The following PAK5 variants were observed in gnomAD, a reference collection of about 807,000 sequenced individuals.
PAK5 encodes the protein p21 (RAC1) activated kinase 5.
A neutral mutation model predicts 65.9 loss-of-function variants in PAK5; 16 were observed. The ratio of observed to expected loss-of-function variants is 0.24; its 90% CI spans 0.16 to 0.37. The LOEUF (loss-of-function observed/expected upper bound fraction) is 0.37. Among genes scored for constraint, PAK5 ranks in the 10% least tolerant of loss-of-function variants. The probability of loss-of-function intolerance (pLI) is 1.00; values close to 1 mark genes in which losing one functional copy is unlikely to be tolerated. For missense variants in PAK5, 785 were observed against 903.9 expected, an observed-to-expected ratio of 0.87 and a Z score of 1.69; for synonymous variants, 371 against 354.9, an observed-to-expected ratio of 1.05 and a Z score of -0.51.
intron 2 of PAK5, among the ~76,000 whole-genome samples, chr20:9,705,276 G>A (rs1478538063): frequency 6.6e-6 from 1 of 151,950 alleles, no homozygotes; most frequent in Non-Finnish European, 1.5e-5. Context: ...GATATGGAAG[G>A]CATTTCACAG....
At chr20:9,790,183 C>T (rs992569385) in intron 1 of PAK5, among the ~76,000 whole-genome samples, 1 of 152,114 alleles carries the variant, frequency 6.6e-6, no homozygotes, top group Admixed American at 6.6e-5. Flanking sequence ...GAAGTTCCTG[C>T]AATCTACTGC....
intron 1 of PAK5, among the ~76,000 whole-genome samples, chr20:9,815,651 A>C (rs1210918314): frequency 2.0e-5 from 3 of 152,142 alleles, no homozygotes; most frequent in Non-Finnish European, 4.4e-5. Context: ...GTGGTCCCTC[A>C]TGATTCAAAA....
At position 9,580,778 on chromosome 20, in the gene PAK5, G is replaced by A. The variant is rs767346680; in HGVS notation, c.357C>T (p.His119=). 6.8e-6 allele frequency: 11 copies of A among 1,613,938 alleles called. No individual in the cohort carries two copies. Among genetic ancestry groups the A allele is most frequent in the South Asian group, 1.1e-5 (1 of 91,058 alleles). ...AGGTGATGAAGCCATTTTCTTCCGC[G>A]TGGCCTGGACCGTGGCTGGAGGCTC... is the stretch of plus-strand genomic sequence containing the variant. ...DQGASSHGPG[H]AEENGFITFS... is the part of the protein sequence containing the mutation. Residue 119 remains histidine, a synonymous_variant, in exon 4 of 10, where the codon CAC becomes CAT. Coordinates refer to ENST00000353224, the MANE Select transcript of PAK5 (RefSeq NM_177990.4).
intron 1 of PAK5, among the ~76,000 whole-genome samples, chr20:9,821,390 A>C (rs2049419197): frequency 6.6e-6 from 1 of 152,106 alleles, no homozygotes; most frequent in Non-Finnish European, 1.5e-5. Context: ...AACAAACAAA[A>C]AAAGATGATG....
chr20:9,741,705 A>C (rs984199770), intron 1 of PAK5, among the ~76,000 whole-genome samples: 1 of 152,162 alleles, frequency 6.6e-6, no homozygotes, highest in African/African-American at 2.4e-5. Context: ...AGAAAATGTT[A>C]GGCTCTATCA....
chr20:9,539,839 T>C (rs1211540077), intron 9 of PAK5, among the ~76,000 whole-genome samples: 3 of 152,204 alleles, frequency 2.0e-5, no homozygotes, highest in Non-Finnish European at 4.4e-5. Context: ...ACAGCTCAAC[T>C]AAGAATGAAA....
chr20:9,565,000 T>A (rs985148749), intron 5 of PAK5, among the ~76,000 whole-genome samples: 2 of 151,788 alleles, frequency 1.3e-5, no homozygotes, highest in Non-Finnish European at 2.9e-5. Context: ...CACATACATC[T>A]AAAGTTACCT....
chr20:9,786,204 A>G (rs986249137), intron 1 of PAK5, among the ~76,000 whole-genome samples: 5 of 152,070 alleles, frequency 3.3e-5, no homozygotes, highest in Non-Finnish European at 7.4e-5. Flanking sequence ...CACATTCAAC[A>G]ACTTCACATT....
chr20:9,761,470 T>C (rs1170815106), intron 1 of PAK5, among the ~76,000 whole-genome samples: 1 of 152,226 alleles, frequency 6.6e-6, no homozygotes, highest in African/African-American at 2.4e-5. Flanking sequence ...GCACAATCTA[T>C]AGATTCAAAA....
At chr20:9,828,045 A>T (rs1978409091) in intron 1 of PAK5, among the ~76,000 whole-genome samples, 1 of 152,102 alleles carries the variant, frequency 6.6e-6, no homozygotes, top group Non-Finnish European at 1.5e-5. Context: ...CATGTTGGCC[A>T]GGCTGGTCTC....
intron 2 of PAK5, among the ~76,000 whole-genome samples, chr20:9,652,712 G>T (rs150919978): frequency 6.6e-4 from 100 of 152,260 alleles, no homozygotes; most frequent in African/African-American, 2.3e-3. Context: ...AAACACACTT[G>T]CCTTCTCAAC....
intron 1 of PAK5, among the ~76,000 whole-genome samples, chr20:9,802,518 T>G (rs2327227): frequency 0.6 from 91,316 of 151,922 alleles, 27,676 homozygotes; most frequent in African/African-American, 0.68. Context: ...GTTGGAGGCA[T>G]TAACTTCTTA....
At chr20:9,724,461 G>T (rs1490264778) in intron 1 of PAK5, among the ~76,000 whole-genome samples, 1 of 152,162 alleles carries the variant, frequency 6.6e-6, no homozygotes, top group East Asian at 1.9e-4. Flanking sequence ...CTTGTTCGTG[G>T]ACATTATGGG....
At position 9,542,646 on chromosome 20, in the gene PAK5, G is replaced by T; in HGVS notation, c.1944C>A (p.Pro648=). The T allele has an allele frequency of 6.2e-7, 1 of 1,613,916 alleles. No individual in the cohort carries two copies. The highest frequency in any genetic ancestry group is 2.2e-5 in the East Asian group (1 of 44,880). ...CCCGGATCCTCCGCATCGCCTGGAG[G>T]GGAGGCTCATTGAAGTAGGGGGGCT... The part of the protein sequence containing the change: ...DGEPPYFNEP[P]LQAMRRIRDS... The change falls in exon 9 of 10, where the codon CCC becomes CCA. Residue 648 remains proline (P), a synonymous_variant. Transcript: ENST00000353224.
At chr20:9,661,954 C>T (rs1358821904) in intron 2 of PAK5, among the ~76,000 whole-genome samples, 1 of 152,088 alleles carries the variant, frequency 6.6e-6, no homozygotes, top group Non-Finnish European at 1.5e-5. Context: ...TTCTTCAGCC[C>T]CTCTGGGCTC....
At chr20:9,614,689 G>GA in intron 3 of PAK5, among the ~76,000 whole-genome samples, 1 of 152,126 alleles carries the variant, frequency 6.6e-6, no homozygotes, top group East Asian at 1.9e-4. Flanking sequence ...AATGTGTTGA[G>GA]AAAAAAACTC....
At chr20:9,770,937 T>C (rs2048825921) in intron 1 of PAK5, among the ~76,000 whole-genome samples, 1 of 152,094 alleles carries the variant, frequency 6.6e-6, no homozygotes, top group South Asian at 2.1e-4. Context: ...CAGATAGAGC[T>C]GTCTTAAGGA....
At chr20:9,800,118 T>G (rs938687248) in intron 1 of PAK5, among the ~76,000 whole-genome samples, 1 of 152,100 alleles carries the variant, frequency 6.6e-6, no homozygotes, top group African/African-American at 2.4e-5. Flanking sequence ...AAAATAGAAC[T>G]GTCTTCGCTA....
At chr20:9,592,910 C>A (rs1603236647) in intron 3 of PAK5, among the ~76,000 whole-genome samples, 1 of 152,094 alleles carries the variant, frequency 6.6e-6, no homozygotes, top group East Asian at 1.9e-4. Flanking sequence ...GGAAGAAAAT[C>A]CCATCTCTTA....
Sources: gnomAD v4.1 joint callset for allele counts (sites outside exome capture counted in the v4.1 genomes callset) on GRCh38, gnomAD v4.1.1 for gene constraint, MANE v1.5 for transcripts, NCBI Gene and HGNC (gene_info 2026-07-23, HGNC 2026-07-21) for gene names.